The following DYM variants were observed in gnomAD, a reference collection of about 807,000 sequenced individuals.
DYM encodes dyggve-Melchior-Clausen syndrome protein.
Under a neutral mutation model 93.1 loss-of-function variants are expected in DYM, and 78 were observed. That is an observed-to-expected ratio of 0.84 (90% CI 0.70 to 1.01). The LOEUF (loss-of-function observed/expected upper bound fraction) is 1.01. Ranked by LOEUF, DYM falls within the 50% of genes least tolerant of loss-of-function variation. The pLI is 0.00. For missense variants in DYM, 789 were observed against 845.0 expected (o/e 0.93, Z 0.82); for synonymous variants, 321 against 319.7 (o/e 1.00, Z -0.04).
At chr18:49,280,187 C>T (rs957776924) in intron 10 of DYM, among the ~76,000 whole-genome samples, 8 of 152,174 alleles carry the variant, frequency 5.3e-5, no homozygotes, top group African/African-American at 1.7e-4. Context: ...CTGATGTTTG[C>T]ACATTAGTCA....
chr18:49,321,971 C>T (rs776426247), intron 8 of DYM, among the ~76,000 whole-genome samples: 1 of 151,976 alleles, frequency 6.6e-6, no homozygotes, highest in South Asian at 2.1e-4. Flanking sequence ...CAATGAGTCA[C>T]CCTAGAAAAA....
intron 2 of DYM, among the ~76,000 whole-genome samples, chr18:49,395,137 A>T (rs149849280): frequency 8.9e-4 from 136 of 152,320 alleles, no homozygotes; most frequent in Middle Eastern, 6.8e-3. Flanking sequence ...AAATAGACAA[A>T]TAGGATTATA....
intron 8 of DYM, among the ~76,000 whole-genome samples, chr18:49,292,336 G>GCAGGCAGACAGACAGA (rs1568187404): frequency 9.9e-6 from 1 of 101,284 alleles, no homozygotes; most frequent in South Asian, 3.6e-4. Context: ...AGGCAGGCAG[G>GCAGGCAGACAGACAGA]CAGACAGACA....
chr18:49,362,811 G>T (rs910755561), intron 6 of DYM, among the ~76,000 whole-genome samples: 1 of 152,172 alleles, frequency 6.6e-6, no homozygotes, highest in Admixed American at 6.5e-5. Flanking sequence ...AAGATAAGGA[G>T]AACTCAACTC....
At chr18:49,066,684 G>A (rs1046037754) in intron 17 of DYM, among the ~76,000 whole-genome samples, 14 of 152,006 alleles carry the variant, frequency 9.2e-5, no homozygotes, top group African/African-American at 3.4e-4. Context: ...AAGCCAAACT[G>A]GTTTCCAAAG....
In DYM at chr18:49,424,244, T is replaced by C. The variant is rs1184827238; in HGVS notation, c.140+6011A>G. Among the ~76,000 whole-genome samples, 5 of 152,092 alleles carry C rather than the reference T, an allele frequency of 3.3e-5. No individual in the cohort carries two copies. In the East Asian group the frequency reaches 9.6e-4, roughly 29 times the overall value. ...CCTGGGATGCAAGGCTGGTTCAACATATGCAAATCAATAACCGTAATCCAT... is the reference window on the plus strand; with the variant it reads ...CCTGGGATGCAAGGCTGGTTCAACACATGCAAATCAATAACCGTAATCCAT... On this transcript the variant is annotated intron_variant, in intron 2 of 17. Transcript: ENST00000675505.
At position 49,200,622 on chromosome 18, in the gene DYM, T is replaced by A. The variant is rs2091910724; in HGVS notation, c.1625+8929A>T. Among the ~76,000 whole-genome samples the A allele has an allele frequency of 3.3e-5, 5 of 152,132 alleles. No individual in the cohort carries two copies. The South Asian group carries it at 1.0e-3, about 32-fold the overall frequency. The stretch of plus-strand genomic sequence containing the variant: ...TTTTGTTCCTAAATATAACCCTTTC[T>A]TTAGGTTAAGTTCTTCCCTTAAGAT... On this transcript the variant is annotated intron_variant, in intron 14 of 17. Transcript: ENST00000675505.
intron 13 of DYM, among the ~76,000 whole-genome samples, chr18:49,211,191 A>C (rs1433756930): frequency 6.6e-6 from 1 of 152,202 alleles, no homozygotes; most frequent in Admixed American, 6.5e-5. Flanking sequence ...TGATCTCTCT[A>C]AGCCTCAAAC....
intron 14 of DYM, among the ~76,000 whole-genome samples, chr18:49,194,613 G>A (rs545458438): frequency 3.9e-5 from 6 of 151,974 alleles, no homozygotes; most frequent in Admixed American, 6.6e-5. Context: ...ATTTTTGAAT[G>A]ATACTACAAT....
intron 13 of DYM, among the ~76,000 whole-genome samples, chr18:49,234,922 G>A (rs1369083052): frequency 1.2e-4 from 19 of 152,184 alleles, no homozygotes; most frequent in Admixed American, 1.2e-3. Context: ...AAGGACCAGA[G>A]AGAGGTTTCC....
chr18:49,157,084 GGTCA>G (rs772581199), intron 15 of DYM, among the ~76,000 whole-genome samples: 2 of 152,062 alleles, frequency 1.3e-5, no homozygotes, highest in Non-Finnish European at 2.9e-5. Flanking sequence ...GGAATTCCAA[GGTCA>G]GGAAGCACCC....
At position 49,128,125 on chromosome 18, in the gene DYM, C is replaced by T. The variant is rs144897195; in HGVS notation, c.1729-9199G>A. On this transcript the variant is annotated intron_variant, in intron 15 of 17. Coordinates refer to ENST00000675505, the MANE Select transcript of DYM (RefSeq NM_001353214.3). The stretch of plus-strand genomic sequence containing the variant: ...GGCTAAAGCCACGTTTTTCCACATC[C>T]GGAGAAGAGCCAGAGAACTCATACA... 7.2e-5 allele frequency among the ~76,000 whole-genome samples: 11 copies of T among 152,318 alleles called. No individual in the cohort carries two copies. In the East Asian group the frequency reaches 1.9e-3, roughly 27 times the overall value.
intron 13 of DYM, among the ~76,000 whole-genome samples, chr18:49,244,456 C>G (rs1345620291): frequency 6.6e-6 from 1 of 152,164 alleles, no homozygotes; most frequent in Non-Finnish European, 1.5e-5. Context: ...ATTAAACGAC[C>G]AAGTACACAA....
In DYM at chr18:49,039,259, G is replaced by A. The variant is rs1420689095; in HGVS notation, c.*4796C>T. On this transcript the variant is annotated 3_prime_UTR_variant, in exon 18 of 18. Transcript: ENST00000675505. ...CACTGTCTTCCATTGTTTCTGCTGA[G>A]AAGGAGCTGTCAGTCTAATATTATT... 6.6e-6 allele frequency among the ~76,000 whole-genome samples: 1 copy of A among 152,194 alleles called. No homozygotes were observed. The highest frequency in any genetic ancestry group is 1.5e-5 in the Non-Finnish European group (1 of 68,038).
At chr18:49,132,625 C>G (rs1441516276) in intron 15 of DYM, among the ~76,000 whole-genome samples, 1 of 151,910 alleles carries the variant, frequency 6.6e-6, no homozygotes, top group Non-Finnish European at 1.5e-5. Flanking sequence ...GGTAACATAA[C>G]TATAATTTCA....
intron 15 of DYM, among the ~76,000 whole-genome samples, chr18:49,161,674 C>T (rs977254677): frequency 1.3e-5 from 2 of 152,158 alleles, no homozygotes; most frequent in Non-Finnish European, 2.9e-5. Context: ...ACAGGAAAAT[C>T]TTAAAAGATA....
At chr18:49,137,866 T>G (rs1276301465) in intron 15 of DYM, among the ~76,000 whole-genome samples, 1 of 152,164 alleles carries the variant, frequency 6.6e-6, no homozygotes, top group African/African-American at 2.4e-5. Flanking sequence ...GGGAAGCGCC[T>G]AAATGTGCAC....
At chr18:49,230,580 C>T (rs934295785) in intron 13 of DYM, among the ~76,000 whole-genome samples, 19 of 152,134 alleles carry the variant, frequency 1.2e-4, no homozygotes, top group African/African-American at 4.3e-4. Flanking sequence ...CTTACCACAC[C>T]CTAAATACTA....
intron 17 of DYM, among the ~76,000 whole-genome samples, chr18:49,086,522 A>G (rs190776767): frequency 6.6e-6 from 1 of 152,144 alleles, no homozygotes; most frequent in Non-Finnish European, 1.5e-5. Flanking sequence ...TTTGGAGGGG[A>G]CATTCAAACC....
Sources: gnomAD v4.1 joint callset for allele counts (sites outside exome capture counted in the v4.1 genomes callset) on GRCh38, gnomAD v4.1.1 for gene constraint, MANE v1.5 for transcripts, NCBI Gene and HGNC (gene_info 2026-07-23, HGNC 2026-07-21) for gene names.